DIABLO: variants seen among roughly 807,000 people sequenced by gnomAD.
The protein encoded by DIABLO is diablo IAP-binding mitochondrial protein, also known as diablo homolog, mitochondrial.
Under a neutral mutation model 31.7 loss-of-function variants are expected in DIABLO, and 32 were observed. The ratio of observed to expected loss-of-function variants is 1.01; its 90% confidence interval spans 0.76 to 1.35. The LOEUF is 1.35. Among genes scored for constraint, DIABLO ranks in the 40% most tolerant of loss-of-function variants. The probability of loss-of-function intolerance (pLI) is 0.00; values close to 1 mark genes in which losing one functional copy is unlikely to be tolerated. For synonymous variants in DIABLO, 132 were observed against 103.2 expected (o/e 1.28, Z -1.69); for missense variants, 316 against 286.4 (o/e 1.10, Z -0.75).
chr12:122,224,482 C>A, intron 2 of DIABLO, 30 bp downstream of exon 2: 3 of 1,613,672 alleles, frequency 1.9e-6, no homozygotes, highest in Non-Finnish European at 2.5e-6. Flanking sequence ...ACACGGTACA[C>A]TAGATAAGAA....
rs79469269 is a variant in DIABLO at position 122,214,895 on chromosome 12, T to C, written c.523+1593A>G. 2.7e-3 allele frequency among the ~76,000 whole-genome samples: 415 copies of C among 152,160 alleles called. 4 individuals are homozygous for C. The highest frequency in any genetic ancestry group is 9.1e-3 in the African/African-American group (379 of 41,488). The stretch of plus-strand genomic sequence containing the variant: ...TAGTAGAGACAGGGTTTCACCACGG[T>C]GGCCAGGGTAGTGTCAAACTCTTGA... On this transcript the variant is annotated intron_variant, in intron 5 of 5. Transcript: ENST00000464942.
upstream of DIABLO, chr12:122,226,403 G>A (rs1250660201): frequency 4.4e-6 from 3 of 689,374 alleles, no homozygotes; most frequent in African/African-American, 5.4e-5. Flanking sequence ...CGGGCGGGAG[G>A]CGGGGCCGGG....
At chr12:122,214,997 A>G (rs1954175300) in intron 5 of DIABLO, among the ~76,000 whole-genome samples, 1 of 152,180 alleles carries the variant, frequency 6.6e-6, no homozygotes, top group Non-Finnish European at 1.5e-5. Flanking sequence ...GAGCCACTGC[A>G]ACCAGTTTCT....
At chr12:122,221,822 C>G (rs1365958014) in intron 2 of DIABLO, 1 of 151,844 alleles carries the variant, frequency 6.6e-6, no homozygotes, top group Admixed American at 6.6e-5. Context: ...TGAGAAAGGA[C>G]AAACCTAAAA....
At chr12:122,221,492 T>C (rs1954334416) in intron 2 of DIABLO, 1 of 152,178 alleles carries the variant, frequency 6.6e-6, no homozygotes, top group Non-Finnish European at 1.5e-5. Flanking sequence ...CACTGCAGCC[T>C]TGAACTCCTG....
intron 5 of DIABLO, among the ~76,000 whole-genome samples, chr12:122,214,158 T>G (rs1338016538): frequency 6.6e-6 from 1 of 152,172 alleles, no homozygotes; most frequent in Admixed American, 6.6e-5. Flanking sequence ...TTTTTCAGTA[T>G]GATGACACAA....
At chr12:122,213,392 G>A (rs1954131693) in intron 5 of DIABLO, among the ~76,000 whole-genome samples, 1 of 151,806 alleles carries the variant, frequency 6.6e-6, no homozygotes, top group African/African-American at 2.4e-5. Flanking sequence ...CCAGCTACCT[G>A]GGAGACTGAC....
intron 5 of DIABLO, among the ~76,000 whole-genome samples, chr12:122,215,143 T>C (rs1415587706): frequency 6.6e-6 from 1 of 152,036 alleles, no homozygotes; most frequent in Non-Finnish European, 1.5e-5. Flanking sequence ...AATACAAAAA[T>C]TAGCCAGGCG....
chr12:122,226,349 T>C (rs1287574367), upstream of DIABLO: 1 of 643,246 alleles, frequency 1.6e-6, no homozygotes, highest in Admixed American at 2.3e-5. Context: ...TTGAAGGGAA[T>C]TTCCTGGTGA....
chr12:122,227,051 G>C (rs1003520208), upstream of DIABLO, among the ~76,000 whole-genome samples: 3 of 152,242 alleles, frequency 2.0e-5, no homozygotes, highest in Non-Finnish European at 2.9e-5. Flanking sequence ...TGGCCCCAAG[G>C]CTTGCCAGCA....
intron 2 of DIABLO, among the ~76,000 whole-genome samples, chr12:122,223,671 C>T (rs1289995435): frequency 6.6e-6 from 1 of 152,130 alleles, no homozygotes; most frequent in Non-Finnish European, 1.5e-5. Flanking sequence ...CTGGCAAGCT[C>T]CTCCCCGCAC....
chr12:122,218,344 A>G lies in DIABLO; in HGVS notation c.237T>C (p.Ser79=). The change falls in exon 3 of 6, where the codon TCT becomes TCC. Residue 79 remains serine (S), a synonymous_variant. Coordinates refer to ENST00000464942, the MANE Select transcript of DIABLO (RefSeq NM_001371333.1). ...SSEALMRRAV[S]LVTDSTSTFL... is the part of the protein sequence containing the mutation. Reference sequence around the variant, plus strand: ...AGGTAGAGGTGCTATCTGTTACCAAAGACACTGCTCTCCTCATCAATGCTT... The same window carrying G: ...AGGTAGAGGTGCTATCTGTTACCAAGGACACTGCTCTCCTCATCAATGCTT... 1 of 1,614,186 alleles carries G rather than the reference A, an allele frequency of 6.2e-7. No individual in the cohort carries two copies. Among genetic ancestry groups the G allele is most frequent in the Non-Finnish European group, 8.5e-7 (1 of 1,180,026 alleles).
At chr12:122,224,823 C>T in intron 1 of DIABLO, 179 bp from the exon 2 acceptor site, 2 of 1,519,148 alleles carry the variant, frequency 1.3e-6, no homozygotes, top group Non-Finnish European at 1.8e-6. Flanking sequence ...TTGCCTCAGG[C>T]AGGGTGTTGG....
intron 1 of DIABLO, chr12:122,225,751 G>C: frequency 7.0e-7 from 1 of 1,436,836 alleles, no homozygotes; most frequent in East Asian, 2.5e-5. Context: ...CTCGTTTCTA[G>C]AAGATGGACG....
At chr12:122,226,414 C>G (rs1566031676), upstream of DIABLO, 1 of 691,022 alleles carries the variant, frequency 1.4e-6, no homozygotes, top group Non-Finnish European at 2.6e-6. Flanking sequence ...CGGGGCCGGG[C>G]GCGGCGACGG....
intron 5 of DIABLO, among the ~76,000 whole-genome samples, chr12:122,211,901 G>A (rs1954097103): frequency 1.3e-5 from 2 of 151,554 alleles, no homozygotes; most frequent in Admixed American, 1.3e-4. Context: ...CTTTGATTTA[G>A]CTAGTTTTAG....
intron 2 of DIABLO, among the ~76,000 whole-genome samples, chr12:122,218,931 A>G (rs1593177329): frequency 8.0e-6 from 1 of 124,866 alleles, no homozygotes; most frequent in Admixed American, 8.7e-5. Flanking sequence ...ACAGAGCAAG[A>G]CTAAAAAAAA....
chr12:122,213,553 A>G (rs919697751), intron 5 of DIABLO, among the ~76,000 whole-genome samples: 1 of 150,726 alleles, frequency 6.6e-6, no homozygotes, highest in Non-Finnish European at 1.5e-5. Flanking sequence ...AGCCCTTTCT[A>G]TGAGTTCTAG....
Position 122,208,342 on chromosome 12 carries a change from C to A in DIABLO, c.*39G>T. ...GCAGGGTGGCATCTGCCCCTGCTTTCCCCACTGAGTGGGGAGACAGGGCAG... is the reference window on the plus strand; with the variant it reads ...GCAGGGTGGCATCTGCCCCTGCTTTACCCACTGAGTGGGGAGACAGGGCAG... On this transcript the variant is annotated 3_prime_UTR_variant, in exon 6 of 6. Transcript: ENST00000464942. The A allele has an allele frequency of 6.2e-7, 1 of 1,608,188 alleles. No homozygotes were observed. The highest frequency in any genetic ancestry group is 8.5e-7 in the Non-Finnish European group (1 of 1,178,946).
Sources: gnomAD v4.1 joint callset for allele counts (sites outside exome capture counted in the v4.1 genomes callset) on GRCh38, gnomAD v4.1.1 for gene constraint, MANE v1.5 for transcripts, NCBI Gene and HGNC (gene_info 2026-07-23, HGNC 2026-07-21) for gene names.